The following UNC13C variants were observed in gnomAD, a reference collection of about 807,000 sequenced individuals.
UNC13C encodes protein unc-13 homolog C.
A neutral mutation model predicts 245.4 loss-of-function variants in UNC13C; 174 were observed. The ratio of observed to expected loss-of-function variants is 0.71; its 90% CI spans 0.63 to 0.80. The LOEUF (loss-of-function observed/expected upper bound fraction) is 0.80, where lower values mean the gene tolerates loss of function less well. Ranked by LOEUF, UNC13C falls within the 30% of genes least tolerant of loss-of-function variation. The pLI is 0.00. For synonymous variants in UNC13C, 992 were observed against 895.1 expected (o/e 1.11, Z -1.93); for missense variants, 2,829 against 2,602.9 (o/e 1.09, Z -1.89).
At chr15:54,624,669 T>C (rs1198667582) in intron 32 of UNC13C, among the ~76,000 whole-genome samples, 1 of 152,160 alleles carries the variant, frequency 6.6e-6, no homozygotes, top group Admixed American at 6.6e-5. Flanking sequence ...TAGAAGGCTA[T>C]TGCAATAGTC....
chr15:54,342,565 T>TAA lies in UNC13C; in HGVS notation c.4713+4087_4713+4088dup, dbSNP rs35987958. The stretch of plus-strand genomic sequence containing the variant: ...GACACAGCAAGACCCTATCTCTATT[T>TAA]AAAAAAAAAAAATGTGTCTATCACC... On this transcript the variant is annotated intron_variant, in intron 17 of 32. Transcript: ENST00000260323. Among the ~76,000 whole-genome samples the TAA allele has an allele frequency of 8.7e-3, 1,293 of 147,776 alleles. 18 individuals are homozygous for TAA. Among genetic ancestry groups the TAA allele is most frequent in the African/African-American group, 0.03 (1,224 of 40,222 alleles).
At chr15:54,289,849 A>G (rs1163153746) in intron 10 of UNC13C, among the ~76,000 whole-genome samples, 1 of 152,014 alleles carries the variant, frequency 6.6e-6, no homozygotes, top group Non-Finnish European at 1.5e-5. Flanking sequence ...TGTACACTGT[A>G]CCACTTTGAG....
chr15:54,027,948 C>A (rs868691522), intron 2 of UNC13C, among the ~76,000 whole-genome samples: 1 of 152,148 alleles, frequency 6.6e-6, no homozygotes, highest in Non-Finnish European at 1.5e-5. Flanking sequence ...ATGCCTTGAG[C>A]ACATGTCAAA....
the UNC13C span, among the ~76,000 whole-genome samples, chr15:53,898,773 T>C: frequency 2.6e-4 from 39 of 152,342 alleles, no homozygotes; most frequent in Non-Finnish European, 2.9e-5. Context: ...AATATTCCAA[T>C]TTTAAAAAAA....
At chr15:53,879,953 T>G in the UNC13C span, among the ~76,000 whole-genome samples, 4 of 147,704 alleles carry the variant, frequency 2.7e-5, no homozygotes, top group Non-Finnish European at 4.5e-5. Context: ...GTGTGTGTGT[T>G]TGTGTGTGTG....
chr15:53,985,301 T>G (rs1203756627), intron 1 of UNC13C, among the ~76,000 whole-genome samples: 1 of 152,058 alleles, frequency 6.6e-6, no homozygotes, highest in African/African-American at 2.4e-5. Context: ...GGCTGCATAG[T>G]ATTCCATGGT....
intron 30 of UNC13C, among the ~76,000 whole-genome samples, chr15:54,617,402 G>A (rs1900512008): frequency 6.6e-6 from 1 of 151,938 alleles, no homozygotes; most frequent in Non-Finnish European, 1.5e-5. Context: ...TGTTCAATGA[G>A]CATCAGAGCA....
At chr15:53,912,880 G>A in the UNC13C span, 1 of 152,250 alleles carries the variant, frequency 6.6e-6, no homozygotes, top group African/African-American at 2.4e-5. Flanking sequence ...GATGACAGTG[G>A]ATTATCAGGA....
intron 17 of UNC13C, among the ~76,000 whole-genome samples, chr15:54,373,292 G>T (rs993818449): frequency 2.0e-5 from 3 of 152,154 alleles, no homozygotes; most frequent in Non-Finnish European, 4.4e-5. Context: ...AAAACTTTGT[G>T]GCCAGTGGCA....
In UNC13C at chr15:54,086,737, C is replaced by CTTTTTT. The variant is rs57209912; in HGVS notation, c.2984-56268_2984-56263dup. The stretch of plus-strand genomic sequence containing the variant: ...GTACTATGTGTTGCTTATTTTCTTT[C>CTTTTTT]TTTTTTTTTTTTTTTTTTGAGATGG... On this transcript the variant is annotated intron_variant, in intron 2 of 32. Transcript: ENST00000260323. 1.2e-4 allele frequency among the ~76,000 whole-genome samples: 11 copies of CTTTTTT among 92,010 alleles called. 1 individual carries two copies. The highest frequency in any genetic ancestry group is 1.5e-4 in the Non-Finnish European group (7 of 47,066). 60.4% of individuals were successfully genotyped at this position (92,010 alleles called of 152,430 possible).
chr15:54,420,697 C>A (rs1422746135), intron 19 of UNC13C, among the ~76,000 whole-genome samples: 1 of 151,282 alleles, frequency 6.6e-6, no homozygotes, highest in African/African-American at 2.4e-5. Flanking sequence ...ATTTTTTTTC[C>A]CTTCGGCTTC....
chr15:54,493,774 G>A (rs993855360), intron 19 of UNC13C, among the ~76,000 whole-genome samples: 4 of 152,008 alleles, frequency 2.6e-5, no homozygotes, highest in African/African-American at 9.7e-5. Flanking sequence ...TATTATTAAG[G>A]AGGGAAAAAT....
At chr15:54,114,558 A>G (rs1206986884) in intron 2 of UNC13C, among the ~76,000 whole-genome samples, 1 of 152,136 alleles carries the variant, frequency 6.6e-6, no homozygotes, top group African/African-American at 2.4e-5. Flanking sequence ...AACATATTCT[A>G]CTATATAAAC....
chr15:54,354,428 A>T (rs2039049776), intron 17 of UNC13C, among the ~76,000 whole-genome samples: 1 of 152,158 alleles, frequency 6.6e-6, no homozygotes, highest in South Asian at 2.1e-4. Flanking sequence ...ATAAAAATGG[A>T]GGAGATTATA....
At chr15:54,399,754 ATTGCATGTTTTTAAAGATAGGATGT>A (rs2040143937) in intron 18 of UNC13C, among the ~76,000 whole-genome samples, 13 of 151,938 alleles carry the variant, frequency 8.6e-5, no homozygotes, top group Admixed American at 8.5e-4. Context: ...TTAGTTTCAA[ATTGCATGTTTTTAAAGATAGGATGT>A]TTTATTTGCT....
intron 17 of UNC13C, among the ~76,000 whole-genome samples, chr15:54,375,864 T>TAA (rs1476255569): frequency 6.6e-6 from 1 of 152,202 alleles, no homozygotes; most frequent in Non-Finnish European, 1.5e-5. Flanking sequence ...CTTGACCCAT[T>TAA]AAAACTGTGT....
At chr15:54,250,723 C>A (rs1326843546) in intron 8 of UNC13C, among the ~76,000 whole-genome samples, 1 of 96,194 alleles carries the variant, frequency 1.0e-5, no homozygotes, top group South Asian at 3.6e-4. Flanking sequence ...TATCTATTTT[C>A]TTTTTTGTCT....
chr15:54,154,690 C>T (rs948720937), intron 4 of UNC13C, among the ~76,000 whole-genome samples: 30 of 152,290 alleles, frequency 2.0e-4, no homozygotes, highest in African/African-American at 7.2e-4. Flanking sequence ...CATAGTTGTT[C>T]AGGGAACCAT....
the UNC13C span, among the ~76,000 whole-genome samples, chr15:53,866,530 T>C: frequency 6.6e-6 from 1 of 152,214 alleles, no homozygotes; most frequent in Non-Finnish European, 1.5e-5. Context: ...AAGTAACTCT[T>C]GTGAAAATAT....
Sources: gnomAD v4.1 joint callset for allele counts (sites outside exome capture counted in the v4.1 genomes callset) on GRCh38, gnomAD v4.1.1 for gene constraint, MANE v1.5 for transcripts, NCBI Gene and HGNC (gene_info 2026-07-23, HGNC 2026-07-21) for gene names.